The following SH2B2 variants were observed in gnomAD, a reference collection of about 807,000 sequenced individuals.
SH2B2 encodes the protein SH2B adaptor protein 2, also known as SH2B adapter protein 2.
Under a neutral mutation model 35.7 loss-of-function variants are expected in SH2B2, and 37 were observed. The ratio of observed to expected loss-of-function variants is 1.04; its 90% CI spans 0.80 to 1.36. SH2B2 has a LOEUF of 1.36. SH2B2 is among the 40% of genes most tolerant of loss of function. The pLI, the probability that SH2B2 is intolerant of heterozygous loss-of-function variation, is 0.00. For missense variants in SH2B2, 852 were observed against 817.7 expected (o/e 1.04, Z -0.51); for synonymous variants, 383 against 376.4 (o/e 1.02, Z -0.20).
At chr7:102,306,646 C>A in intron 2 of SH2B2, 75 bp from the exon 3 acceptor site, 1 of 1,085,692 alleles carries the variant, frequency 9.2e-7, no homozygotes, top group Non-Finnish European at 1.4e-6. Flanking sequence ...CACTCTAACA[C>A]CTGGCAGCGG....
chr7:102,306,822 G>A lies in SH2B2; in HGVS notation c.831G>A (p.Lys277=). The A allele has an allele frequency of 6.4e-7, 1 of 1,574,612 alleles. No individual in the cohort carries two copies. The highest frequency in any genetic ancestry group is 1.2e-5 in the South Asian group (1 of 85,486). ...MPEKDNTFVL[K]VENGAEYILE... ...AGAAGGATAACACATTCGTCCTCAA[G>A]GTGAGGTCTCACCCCTAACCTCAGA... The change falls in exon 3 of 9, where the codon AAG becomes AAA. Residue 277 remains lysine, a splice_region_variant and synonymous_variant. Coordinates refer to ENST00000444095, the MANE Select transcript of SH2B2 (RefSeq NM_001359228.2).
At chr7:102,317,715 C>T (rs1432899388) in intron 7 of SH2B2, among the ~76,000 whole-genome samples, 1 of 152,152 alleles carries the variant, frequency 6.6e-6, no homozygotes, top group East Asian at 1.9e-4. Flanking sequence ...CTCCTGCGCG[C>T]GGGGGATCTC....
At chr7:102,319,394 CTG>C (rs1793971823) in intron 7 of SH2B2, among the ~76,000 whole-genome samples, 1 of 152,148 alleles carries the variant, frequency 6.6e-6, no homozygotes. Context: ...CAGGGATTGT[CTG>C]TATTTTTTTG....
chr7:102,307,135 A>G (rs997361107), intron 3 of SH2B2, among the ~76,000 whole-genome samples: 1 of 152,184 alleles, frequency 6.6e-6, no homozygotes, highest in Non-Finnish European at 1.5e-5. Flanking sequence ...TGGAGCTAGC[A>G]CACACCCACC....
Position 102,301,132 on chromosome 7 carries a change from T to G in SH2B2, c.582T>G (p.Ile194Met). 2.0e-6 allele frequency: 3 copies of G among 1,506,182 alleles called. No individual in the cohort carries two copies. The highest frequency in any genetic ancestry group is 2.6e-5 in the East Asian group (1 of 37,866). The allele number at this position is 1,506,182 out of a possible 1,614,324, so 93.3% of individuals were successfully genotyped here. ...CTGCCAAGGTGGAGCTGGTGGACAT[T>G]CAACGCGAGGGGGCGCTGCGCTTCA... Reference protein sequence around the residue: ...TLAAKVELVDIQREGALRFMV... With the variant: ...TLAAKVELVDMQREGALRFMV... Residue 194 changes from isoleucine to methionine, a missense_variant, in exon 2 of 9, where the codon ATT becomes ATG. Physicochemically the swap from Ile to Met is conservative, Grantham distance 10 (BLOSUM62 1). Around this residue, in one of 3 missense-constraint regions of SH2B2, gnomAD observed 556 missense variants for 514.5 expected, o/e 1.08. Coordinates refer to ENST00000444095, the MANE Select transcript of SH2B2 (RefSeq NM_001359228.2).
rs528016379 is a variant in SH2B2, at chr7:102,306,709, T to G, written c.730-12T>G. The G allele has an allele frequency of 3.8e-6, 6 of 1,569,218 alleles. No homozygotes were observed. The highest frequency in any genetic ancestry group is 5.2e-6 in the Non-Finnish European group (6 of 1,155,130). On this transcript the variant is annotated splice_polypyrimidine_tract_variant and intron_variant, in intron 2 of 8. Coordinates refer to ENST00000444095, the MANE Select transcript of SH2B2 (RefSeq NM_001359228.2). ...TGCTGGGGCCACTCACTATCCTTCT[T>G]CTGGCCCCCAGGCCTCCAGGCCCAA...
chr7:102,321,376 AGCCTCGCCGCGGCC>A lies in SH2B2; in HGVS notation c.1650_1663del (p.Ala551ProfsTer?). 2 of 1,398,980 alleles carry A rather than the reference AGCCTCGCCGCGGCC, an allele frequency of 1.4e-6. No homozygotes were observed. The highest frequency in any genetic ancestry group is 1.9e-6 in the Non-Finnish European group (2 of 1,077,790). The allele number at this position is 1,398,980 out of a possible 1,614,324, so 86.7% of individuals were successfully genotyped here. On this transcript the variant is annotated frameshift_variant, in exon 9 of 9. Coordinates refer to ENST00000444095, the MANE Select transcript of SH2B2 (RefSeq NM_001359228.2). LOFTEE classifies it low-confidence loss of function (END_TRUNC). ...CTCGCCCGGCCAGCACTACTTCTCC[AGCCTCGCCGCGGCC>A]GCCTGCCCGCCTGCCTCGCCCTCCG...
intron 4 of SH2B2, among the ~76,000 whole-genome samples, chr7:102,309,957 A>G (rs1438730006): frequency 6.6e-6 from 1 of 152,116 alleles, no homozygotes; most frequent in East Asian, 1.9e-4. Flanking sequence ...GTGATCTAGG[A>G]TTGCACCACT....
At chr7:102,305,300 C>T (rs1169984998) in intron 2 of SH2B2, among the ~76,000 whole-genome samples, 1 of 152,094 alleles carries the variant, frequency 6.6e-6, no homozygotes, top group Non-Finnish European at 1.5e-5. Flanking sequence ...GGGTGTCACT[C>T]TGTCGCCCAG....
At chr7:102,311,859 C>A (rs1461918729) in intron 4 of SH2B2, among the ~76,000 whole-genome samples, 1 of 149,910 alleles carries the variant, frequency 6.7e-6, no homozygotes, top group Non-Finnish European at 1.5e-5. Flanking sequence ...GGCACATCAC[C>A]TGAGGTCAGG....
At chr7:102,317,698 C>G (rs781891530) in intron 7 of SH2B2, among the ~76,000 whole-genome samples, 12 of 152,206 alleles carry the variant, frequency 7.9e-5, no homozygotes, top group Non-Finnish European at 1.6e-4. Context: ...TTTGCAAATC[C>G]TTTCAGCTCC....
rs1275210655 is a variant in SH2B2, at chr7:102,297,398, C to CAT, written c.-29-3123_-29-3122insTA. On this transcript the variant is annotated intron_variant, in intron 1 of 8. Coordinates refer to ENST00000444095, the MANE Select transcript of SH2B2 (RefSeq NM_001359228.2). The surrounding 1 kb of genome is among the most constrained non-coding windows in gnomAD (Gnocchi z 4.3). ...AATAGAGTGAGATCCCATCTCTACA[C>CAT]ACACACACACACACACACACACACA... Among the ~76,000 whole-genome samples the CAT allele has an allele frequency of 2.1e-5, 3 of 141,676 alleles. No individual in the cohort carries two copies. The highest frequency in any genetic ancestry group is 8.6e-5 in the African/African-American group (3 of 34,728). 92.9% of individuals were successfully genotyped at this position (141,676 alleles called of 152,430 possible).
At position 102,306,913 on chromosome 7, in the gene SH2B2, A is replaced by G. The variant is rs545993013; in HGVS notation, c.831+91A>G. On this transcript the variant is annotated intron_variant, in intron 3 of 8. Transcript: ENST00000444095. The stretch of plus-strand genomic sequence containing the variant: ...ACAGCTCCCTAGGGGAGCGAGGGGA[A>G]GGAGCCTAAGGCAGGACAGTAGTGG... 3.9e-6 allele frequency: 4 copies of G among 1,022,054 alleles called. No individual in the cohort carries two copies. The East Asian group carries it at 1.0e-4, about 27-fold the overall frequency. The allele number at this position is 1,022,054 out of a possible 1,614,324, so 63.3% of individuals were successfully genotyped here. A position where few individuals can be genotyped will look rare whatever the true frequency, so the allele number is the denominator to read the frequency against.
At chr7:102,320,943 G>A (rs565319574) in intron 8 of SH2B2, among the ~76,000 whole-genome samples, 4 of 152,100 alleles carry the variant, frequency 2.6e-5, no homozygotes, top group African/African-American at 4.8e-5. Flanking sequence ...ATGTGTGCAT[G>A]TGCCCGTGTG....
chr7:102,318,163 C>G (rs1430752551), intron 7 of SH2B2, among the ~76,000 whole-genome samples: 1 of 151,956 alleles, frequency 6.6e-6, no homozygotes, highest in Non-Finnish European at 1.5e-5. Flanking sequence ...TTTTTTGAGA[C>G]AGTCTCGCTC....
intron 1 of SH2B2, among the ~76,000 whole-genome samples, chr7:102,293,810 G>A (rs1554552178): frequency 6.6e-6 from 1 of 152,128 alleles, no homozygotes; most frequent in Non-Finnish European, 1.5e-5. Flanking sequence ...TACTGATAGG[G>A]AAGTGGAGGC....
At chr7:102,290,211 G>C (rs1215558711) in intron 1 of SH2B2, among the ~76,000 whole-genome samples, 1 of 150,326 alleles carries the variant, frequency 6.7e-6, no homozygotes, top group Non-Finnish European at 1.5e-5. Flanking sequence ...CTCAGAAAGG[G>C]ACCAGCCTGG....
intron 2 of SH2B2, among the ~76,000 whole-genome samples, chr7:102,305,213 C>T (rs1031373414): frequency 2.6e-5 from 4 of 152,100 alleles, no homozygotes; most frequent in Non-Finnish European, 5.9e-5. Flanking sequence ...AGCATTTTTT[C>T]TTTAAGCAAC....
Position 102,317,370 on chromosome 7 carries a change from C to T in SH2B2, c.1370C>T (p.Thr457Ile), listed in dbSNP as rs782594143. The T allele has an allele frequency of 6.3e-7, 1 of 1,589,700 alleles. No homozygotes were observed. Among genetic ancestry groups the T allele is most frequent in the Non-Finnish European group, 8.6e-7 (1 of 1,162,104 alleles). ...SETRPGEYVLTFNFQGKAKHL... is the reference protein window; with the variant it reads ...SETRPGEYVLIFNFQGKAKHL... ...ACTCGGCCTGGGGAGTACGTGCTGA[C>T]CTTCAACTTCCAGGGCAAGGCCAAG... Residue 457 changes from threonine to isoleucine, a missense_variant, in exon 7 of 9, where the codon ACC becomes ATC. Thr to Ile is a moderately conservative substitution (Grantham distance 89). Coordinates refer to ENST00000444095, the MANE Select transcript of SH2B2 (RefSeq NM_001359228.2).
Sources: allele counts gnomAD v4.1 joint callset (sites outside exome capture counted in the v4.1 genomes callset), GRCh38; gene constraint gnomAD v4.1.1; regional missense constraint gnomAD v4.1.1; non-coding constraint Gnocchi (gnomAD v3.1); transcripts MANE v1.5; gene names NCBI Gene and HGNC (gene_info 2026-07-23, HGNC 2026-07-21).